MIPOL1: variants seen among roughly 807,000 people sequenced by gnomAD.
MIPOL1 encodes mirror-image polydactyly 1.
Under a neutral mutation model 60.9 loss-of-function variants are expected in MIPOL1, and 57 were observed. The ratio of observed to expected loss-of-function variants is 0.94; its 90% confidence interval spans 0.76 to 1.17. The LOEUF (loss-of-function observed/expected upper bound fraction) is 1.17. Among genes scored for constraint, MIPOL1 ranks in the 50% most tolerant of loss-of-function variants. The pLI, the probability that MIPOL1 is intolerant of heterozygous loss-of-function variation, is 0.00. For synonymous variants in MIPOL1, 179 were observed against 168.8 expected (o/e 1.06, Z -0.47); for missense variants, 551 against 511.6 (o/e 1.08, Z -0.74).
intron 11 of MIPOL1, among the ~76,000 whole-genome samples, chr14:37,462,728 G>T (rs1566649231): frequency 1.3e-5 from 2 of 152,146 alleles, no homozygotes; most frequent in South Asian, 2.1e-4. Context: ...ACAAAATGCT[G>T]CCAGTCGCTT....
At chr14:37,491,935 C>G (rs185402666) in intron 11 of MIPOL1, among the ~76,000 whole-genome samples, 2 of 152,262 alleles carry the variant, frequency 1.3e-5, no homozygotes, top group African/African-American at 4.8e-5. Context: ...GTATGTCATT[C>G]AGAATTAAGG....
intron 9 of MIPOL1, among the ~76,000 whole-genome samples, chr14:37,363,523 C>T (rs2092360087): frequency 6.6e-6 from 1 of 152,156 alleles, no homozygotes; most frequent in African/African-American, 2.4e-5. Flanking sequence ...AGAGGGGCAT[C>T]CACCTGTATG....
chr14:37,499,860 A>C, intron 11 of MIPOL1, 48 bp from the exon 12 acceptor site: 2 of 959,672 alleles, frequency 2.1e-6, no homozygotes, highest in Non-Finnish European at 3.1e-6. Context: ...ATCATAGATC[A>C]CTCAGTTTAC....
chr14:37,404,497 C>A (rs1207087344), intron 10 of MIPOL1, among the ~76,000 whole-genome samples: 1 of 152,134 alleles, frequency 6.6e-6, no homozygotes, highest in Non-Finnish European at 1.5e-5. Flanking sequence ...AGTAAGTTGG[C>A]AGTGACATTT....
At chr14:37,375,108 A>G (rs936269615) in intron 10 of MIPOL1, among the ~76,000 whole-genome samples, 2 of 152,002 alleles carry the variant, frequency 1.3e-5, no homozygotes, top group Admixed American at 1.3e-4. Flanking sequence ...ATCCCTTGTA[A>G]GTTGTATTCC....
chr14:37,404,193 T>G (rs2093546047), intron 10 of MIPOL1, among the ~76,000 whole-genome samples: 1 of 152,206 alleles, frequency 6.6e-6, no homozygotes, highest in African/African-American at 2.4e-5. Context: ...ATGTTTTTAT[T>G]TTTTGTTTGC....
Position 37,540,185 on chromosome 14 carries a change from C to T in MIPOL1, c.1263-6720C>T, listed in dbSNP as rs115212033. Among the ~76,000 whole-genome samples, 1,511 of 152,292 alleles carry T rather than the reference C, an allele frequency of 9.9e-3. 34 individuals carry two copies. The highest frequency in any genetic ancestry group is 0.032 in the African/African-American group (1,343 of 41,566). On this transcript the variant is annotated intron_variant, in intron 12 of 12. Coordinates refer to ENST00000684589, the MANE Select transcript of MIPOL1 (RefSeq NM_001388067.1). Reference sequence around the variant, plus strand: ...AGAACAGACTAATACACCATTCTTACCACTTTCTAACAGTTCTTGTTTTCA... The same window carrying T: ...AGAACAGACTAATACACCATTCTTATCACTTTCTAACAGTTCTTGTTTTCA...
chr14:37,309,574 C>T (rs1428404771), intron 9 of MIPOL1, among the ~76,000 whole-genome samples: 5 of 152,082 alleles, frequency 3.3e-5, no homozygotes, highest in African/African-American at 1.2e-4. Flanking sequence ...CTGCTATCTG[C>T]TCTGTGGTCA....
At chr14:37,455,127 C>T (rs111350301) in intron 11 of MIPOL1, among the ~76,000 whole-genome samples, 1 of 152,080 alleles carries the variant, frequency 6.6e-6, no homozygotes, top group African/African-American at 2.4e-5. Context: ...TCATGGTAAA[C>T]CCAATTCAGA....
At chr14:37,517,509 A>G (rs1020432507) in intron 12 of MIPOL1, among the ~76,000 whole-genome samples, 7 of 152,212 alleles carry the variant, frequency 4.6e-5, no homozygotes, top group Non-Finnish European at 7.4e-5. Context: ...ACAATAGTAC[A>G]TATGCATTTG....
intron 1 of MIPOL1, among the ~76,000 whole-genome samples, chr14:37,239,863 A>G (rs543449729): frequency 3.3e-5 from 5 of 152,332 alleles, no homozygotes; most frequent in South Asian, 4.1e-4. Flanking sequence ...TTATTTTACT[A>G]TCTTTAAAAT....
At chr14:37,367,326 ATAAATT>A (rs2092505351) in intron 9 of MIPOL1, among the ~76,000 whole-genome samples, 1 of 152,120 alleles carries the variant, frequency 6.6e-6, no homozygotes, top group Non-Finnish European at 1.5e-5. Context: ...ATAGGATTAC[ATAAATT>A]TAAATAAACA....
intron 10 of MIPOL1, among the ~76,000 whole-genome samples, chr14:37,395,831 C>T (rs945232899): frequency 6.6e-6 from 1 of 152,024 alleles, no homozygotes; most frequent in Non-Finnish European, 1.5e-5. Flanking sequence ...ATAAGAATAG[C>T]TACCCCTGCT....
chr14:37,351,138 T>C (rs1286652299), intron 9 of MIPOL1, among the ~76,000 whole-genome samples: 1 of 143,914 alleles, frequency 6.9e-6, no homozygotes, highest in Non-Finnish European at 1.5e-5. Flanking sequence ...AATTCCCACC[T>C]ATGAGTGAGA....
rs564954314 is a variant in MIPOL1 at position 37,514,559 on chromosome 14, G to A, written c.1262+14421G>A. On this transcript the variant is annotated intron_variant, in intron 12 of 12. Coordinates refer to ENST00000684589, the MANE Select transcript of MIPOL1 (RefSeq NM_001388067.1). ...CTCACTCAAAACTTTCCCCTTTGTT[G>A]TCTCTATTATTAAACACACAGATTA... Among the ~76,000 whole-genome samples, 3 of 151,394 alleles carry A rather than the reference G, an allele frequency of 2.0e-5. No homozygotes were observed. In the South Asian group the frequency reaches 6.3e-4, roughly 32 times the overall value.
intron 11 of MIPOL1, chr14:37,434,321 TA>T (rs575887935): frequency 1.3e-5 from 2 of 152,198 alleles, no homozygotes; most frequent in South Asian, 4.1e-4. Flanking sequence ...GTTGGCCACA[TA>T]AGTGTCTTCT....
At chr14:37,338,322 G>A (rs1158844506) in intron 9 of MIPOL1, among the ~76,000 whole-genome samples, 3 of 151,428 alleles carry the variant, frequency 2.0e-5, no homozygotes, top group Non-Finnish European at 2.9e-5. Context: ...ATGTTAGCCA[G>A]GATGGTCTCG....
intron 11 of MIPOL1, 142 bp from the exon 12 acceptor site, chr14:37,499,766 C>A: frequency 2.1e-6 from 1 of 477,708 alleles, no homozygotes; most frequent in Non-Finnish European, 3.7e-6. Flanking sequence ...AATGTTGTGA[C>A]ATAAAAATTA....
intron 10 of MIPOL1, among the ~76,000 whole-genome samples, chr14:37,398,116 T>C (rs529725680): frequency 3.9e-5 from 6 of 152,276 alleles, no homozygotes; most frequent in Admixed American, 2.0e-4. Context: ...AATGGCCTGC[T>C]TGGGGACCCA....
Sources: gnomAD v4.1 joint callset for allele counts (sites outside exome capture counted in the v4.1 genomes callset) on GRCh38, gnomAD v4.1.1 for gene constraint, MANE v1.5 for transcripts, NCBI Gene and HGNC (gene_info 2026-07-23, HGNC 2026-07-21) for gene names.